The following TRAF3 variants were observed in gnomAD, a reference collection of about 807,000 sequenced individuals.
The protein encoded by TRAF3 is TNF receptor-associated factor 3.
In TRAF3, 13 loss-of-function variants were observed where a neutral mutation model predicts 62.3. The observed-to-expected ratio is 0.21, with a 90% CI of 0.14 to 0.33. TRAF3 has a LOEUF of 0.33. Ranked by LOEUF, TRAF3 falls within the 10% of genes least tolerant of loss-of-function variation. The pLI is 1.00. For synonymous variants in TRAF3, 269 were observed against 283.4 expected (o/e 0.95, Z 0.51); for missense variants, 440 against 741.8 (o/e 0.59, Z 4.73).
At chr14:102,839,163 G>A (rs960173933) in intron 2 of TRAF3, among the ~76,000 whole-genome samples, 1 of 148,400 alleles carries the variant, frequency 6.7e-6, no homozygotes, top group Non-Finnish European at 1.5e-5. Context: ...ATTTCGAACG[G>A]ATGCTAATCC....
chr14:102,805,810 T>C (rs1898737846), intron 1 of TRAF3, among the ~76,000 whole-genome samples: 1 of 152,228 alleles, frequency 6.6e-6, no homozygotes, highest in Non-Finnish European at 1.5e-5. Flanking sequence ...TGTTTTGATG[T>C]CATGGTTCAA....
At chr14:102,883,731 G>T (rs529535364) in intron 6 of TRAF3, among the ~76,000 whole-genome samples, 5 of 152,230 alleles carry the variant, frequency 3.3e-5, no homozygotes, top group Non-Finnish European at 7.4e-5. Context: ...GATTACGGGT[G>T]CCCGCCACCG....
chr14:102,789,017 T>A (rs904612314), intron 1 of TRAF3, among the ~76,000 whole-genome samples: 5 of 152,088 alleles, frequency 3.3e-5, no homozygotes, highest in Non-Finnish European at 7.4e-5. Flanking sequence ...CATTAAGTAA[T>A]CACTCCCATT....
intron 2 of TRAF3, among the ~76,000 whole-genome samples, chr14:102,868,263 G>A (rs1052367526): frequency 6.6e-6 from 1 of 152,194 alleles, no homozygotes; most frequent in Non-Finnish European, 1.5e-5. Context: ...ATGGAGGTGG[G>A]AAACTCTACA....
chr14:102,897,221 A>G lies in TRAF3; in HGVS notation c.820-40A>G, dbSNP rs1184773994. ...GATATTGTTGTTAATTAATATGAAA[A>G]CCACTTTTGGTTACATTAATTAAAG... On this transcript the variant is annotated intron_variant, in intron 9 of 11. Transcript: ENST00000392745. The G allele has an allele frequency of 5.7e-6, 9 of 1,580,238 alleles. No individual in the cohort carries two copies. The South Asian group carries it at 1.0e-4, about 18-fold the overall frequency.
At chr14:102,863,677 C>G (rs957016477) in intron 2 of TRAF3, among the ~76,000 whole-genome samples, 2 of 152,204 alleles carry the variant, frequency 1.3e-5, no homozygotes, top group African/African-American at 4.8e-5. Context: ...TCCAAAACAT[C>G]TTACTCCTCA....
At chr14:102,797,894 C>T (rs1397772408) in intron 1 of TRAF3, among the ~76,000 whole-genome samples, 3 of 152,094 alleles carry the variant, frequency 2.0e-5, no homozygotes, top group East Asian at 1.9e-4. Context: ...TGCACCACCA[C>T]GCCTGGCTAA....
In TRAF3 at chr14:102,908,080, T is replaced by C. The variant is rs1193691330; in HGVS notation, c.*2296T>C. The C allele has an allele frequency of 1.3e-5, 2 of 152,280 alleles. No homozygotes were observed. The highest frequency in any genetic ancestry group is 2.9e-5 in the Non-Finnish European group (2 of 68,060). The allele number at this position is 152,280 out of a possible 1,614,324, so 9.4% of individuals were successfully genotyped here. On this transcript the variant is annotated 3_prime_UTR_variant, in exon 12 of 12. Coordinates refer to ENST00000392745, the MANE Select transcript of TRAF3 (RefSeq NM_145725.3). ...AATGTATAATATTAGATGAAGGATA[T>C]GCAACATCTTGGTCTAGTAAGAACC...
intron 1 of TRAF3, among the ~76,000 whole-genome samples, chr14:102,809,762 C>A (rs929790042): frequency 6.6e-6 from 1 of 150,882 alleles, no homozygotes; most frequent in Non-Finnish European, 1.5e-5. Context: ...AATCTCCTGA[C>A]CTCGTGATCT....
chr14:102,855,544 C>A (rs1887311496), intron 2 of TRAF3, among the ~76,000 whole-genome samples: 1 of 152,052 alleles, frequency 6.6e-6, no homozygotes, highest in South Asian at 2.1e-4. Context: ...ACCTGTAATC[C>A]CAGCACTTTG....
intron 1 of TRAF3, among the ~76,000 whole-genome samples, chr14:102,815,994 A>G (rs909893202): frequency 1.3e-5 from 2 of 152,164 alleles, no homozygotes; most frequent in African/African-American, 4.8e-5. Flanking sequence ...AAACCGTATT[A>G]CTATTCTTTC....
chr14:102,883,222 C>T (rs1441690373), intron 6 of TRAF3, among the ~76,000 whole-genome samples: 1 of 152,148 alleles, frequency 6.6e-6, no homozygotes, highest in Non-Finnish European at 1.5e-5. Flanking sequence ...TGTTGTTATA[C>T]GACAAGGAGA....
At chr14:102,868,160 C>T (rs1888114239) in intron 2 of TRAF3, among the ~76,000 whole-genome samples, 1 of 152,196 alleles carries the variant, frequency 6.6e-6, no homozygotes, top group Non-Finnish European at 1.5e-5. Context: ...GGTACAGGAA[C>T]GCAGTGTATT....
At chr14:102,788,173 A>G (rs546467582) in intron 1 of TRAF3, among the ~76,000 whole-genome samples, 48 of 152,154 alleles carry the variant, frequency 3.2e-4, no homozygotes, top group African/African-American at 1.1e-3. Flanking sequence ...ATGTATTTCT[A>G]TTACCTTAAC....
intron 2 of TRAF3, among the ~76,000 whole-genome samples, chr14:102,834,687 C>CAAAAAAAAA (rs35056615): frequency 3.7e-5 from 2 of 54,284 alleles, no homozygotes; most frequent in Admixed American, 2.2e-4. Flanking sequence ...GACTCCGTCT[C>CAAAAAAAAA]AAAAAAAAAA....
At chr14:102,819,336 C>A (rs1046296352) in intron 1 of TRAF3, among the ~76,000 whole-genome samples, 6 of 152,178 alleles carry the variant, frequency 3.9e-5, no homozygotes, top group African/African-American at 7.2e-5. Flanking sequence ...CCCGCACCCA[C>A]CACCAGCCAC....
intron 8 of TRAF3, among the ~76,000 whole-genome samples, chr14:102,890,826 T>G (rs1324905956): frequency 1.3e-5 from 2 of 152,244 alleles, no homozygotes; most frequent in Non-Finnish European, 2.9e-5. Flanking sequence ...GGATACAGTG[T>G]ATTTGAACTA....
intron 1 of TRAF3, among the ~76,000 whole-genome samples, chr14:102,793,255 G>A (rs945063485): frequency 2.0e-5 from 3 of 152,114 alleles, no homozygotes; most frequent in Non-Finnish European, 4.4e-5. Flanking sequence ...GTGCTCAAGT[G>A]GTCCTCCCAC....
chr14:102,842,178 A>G (rs1362414976), intron 2 of TRAF3, among the ~76,000 whole-genome samples: 1 of 151,520 alleles, frequency 6.6e-6, no homozygotes, highest in African/African-American at 2.4e-5. Flanking sequence ...CGGGAGGTGG[A>G]GGTTGCAGTG....
Sources: allele counts gnomAD v4.1 joint callset (sites outside exome capture counted in the v4.1 genomes callset), GRCh38; gene constraint gnomAD v4.1.1; transcripts MANE v1.5; gene names NCBI Gene and HGNC (gene_info 2026-07-23, HGNC 2026-07-21).